PRKN: variants seen among roughly 807,000 people sequenced by gnomAD.
The protein encoded by PRKN is parkin RBR E3 ubiquitin protein ligase, also known as E3 ubiquitin-protein ligase parkin.
In PRKN, 56 loss-of-function variants were observed where a neutral mutation model predicts 59.5. That is an observed-to-expected ratio of 0.94 (90% CI 0.76 to 1.18). The LOEUF is 1.18. PRKN is among the 50% of genes most tolerant of loss of function. The pLI is 0.00. For missense variants in PRKN, 657 were observed against 596.4 expected, an observed-to-expected ratio of 1.10 and a Z score of -1.06; for synonymous variants, 250 against 222.1, an observed-to-expected ratio of 1.13 and a Z score of -1.12.
chr6:162,049,917 G>C (rs981223009), intron 5 of PRKN, among the ~76,000 whole-genome samples: 2 of 152,128 alleles, frequency 1.3e-5, no homozygotes, highest in African/African-American at 2.4e-5. Context: ...CAACTCCACA[G>C]AGAGCTGTGT....
Position 161,413,353 on chromosome 6 carries a change from TAGA to T in PRKN, c.1084-26479_1084-26477del, listed in dbSNP as rs978372191. Among the ~76,000 whole-genome samples, 16 of 152,292 alleles carry T rather than the reference TAGA, an allele frequency of 1.1e-4. No individual in the cohort carries two copies. Among genetic ancestry groups the T allele is most frequent in the East Asian group, 9.6e-4 (5 of 5,186 alleles). ...CTTCACTTCCTGAGTCTCTTTCCATTAGAAGAAGAATTCATATACACATACTGC... is the reference window on the plus strand; with the variant it reads ...CTTCACTTCCTGAGTCTCTTTCCATTAGAAGAATTCATATACACATACTGC... On this transcript the variant is annotated intron_variant, in intron 9 of 11. Coordinates refer to ENST00000366898, the MANE Select transcript of PRKN (RefSeq NM_004562.3). The surrounding 1 kb of genome is among the most constrained non-coding windows in gnomAD (Gnocchi z 4.4).
At chr6:162,237,313 A>G (rs891429262) in intron 3 of PRKN, among the ~76,000 whole-genome samples, 2 of 152,212 alleles carry the variant, frequency 1.3e-5, no homozygotes, top group African/African-American at 2.4e-5. Flanking sequence ...CCTAGTACAT[A>G]AAAAGAGTCA....
chr6:161,907,913 A>G (rs1583330248), intron 6 of PRKN, among the ~76,000 whole-genome samples: 1 of 152,100 alleles, frequency 6.6e-6, no homozygotes, highest in Non-Finnish European at 1.5e-5. Context: ...CCCTGTCTCT[A>G]CTAAATACAC....
intron 1 of PRKN, among the ~76,000 whole-genome samples, chr6:162,558,326 C>CTT: frequency 8.1e-6 from 1 of 123,312 alleles, no homozygotes. Flanking sequence ...TTTAATTTTC[C>CTT]CTTTTTTTTT....
At chr6:161,697,337 T>C (rs1786064122) in intron 7 of PRKN, among the ~76,000 whole-genome samples, 1 of 152,206 alleles carries the variant, frequency 6.6e-6, no homozygotes, top group African/African-American at 2.4e-5. Flanking sequence ...TAATATTTGC[T>C]GTGAATTACG....
At chr6:161,490,358 T>C (rs1269173404) in intron 9 of PRKN, among the ~76,000 whole-genome samples, 32 of 148,196 alleles carry the variant, frequency 2.2e-4, no homozygotes, top group African/African-American at 6.7e-4. Flanking sequence ...TCTCTCTCTC[T>C]CCCTCTCTCT....
intron 1 of PRKN, among the ~76,000 whole-genome samples, chr6:162,704,015 C>T (rs1038008757): frequency 2.0e-5 from 3 of 152,124 alleles, no homozygotes; most frequent in Admixed American, 6.6e-5. Context: ...TAATTAAGCG[C>T]CTTAGCTAAG....
chr6:162,465,122 A>G (rs1791355937), intron 1 of PRKN, among the ~76,000 whole-genome samples: 1 of 152,164 alleles, frequency 6.6e-6, no homozygotes, highest in Non-Finnish European at 1.5e-5. Context: ...GCTCGTTCCC[A>G]ATTAACCAGT....
chr6:162,463,061 T>A (rs1279327984), intron 1 of PRKN, among the ~76,000 whole-genome samples: 1 of 151,106 alleles, frequency 6.6e-6, no homozygotes, highest in Non-Finnish European at 1.5e-5. Context: ...GGAGTGAGAC[T>A]CCGTCTCAAA....
intron 1 of PRKN, among the ~76,000 whole-genome samples, chr6:162,586,634 G>A (rs564035216): frequency 2.0e-5 from 3 of 152,150 alleles, no homozygotes; most frequent in African/African-American, 4.8e-5. Flanking sequence ...GCTATAAGCC[G>A]GTTCGTAATT....
chr6:162,589,326 A>C (rs1583863247), intron 1 of PRKN, among the ~76,000 whole-genome samples: 2 of 151,990 alleles, frequency 1.3e-5, no homozygotes, highest in East Asian at 3.9e-4. Flanking sequence ...TCTCTCTCAA[A>C]AATACAAAAA....
At chr6:161,596,618 G>GCA (rs1319260331) in intron 7 of PRKN, among the ~76,000 whole-genome samples, 2 of 151,944 alleles carry the variant, frequency 1.3e-5, no homozygotes, top group African/African-American at 4.8e-5. Flanking sequence ...GGAACATTTA[G>GCA]CACACACAAA....
At chr6:161,984,198 A>T (rs1029676200) in intron 5 of PRKN, among the ~76,000 whole-genome samples, 3 of 152,166 alleles carry the variant, frequency 2.0e-5, no homozygotes, top group African/African-American at 7.2e-5. Flanking sequence ...TCCAAGAAAG[A>T]GATCACTTGT....
chr6:161,711,723 A>C (rs996313544), intron 7 of PRKN, among the ~76,000 whole-genome samples: 2 of 152,238 alleles, frequency 1.3e-5, no homozygotes, highest in African/African-American at 4.8e-5. Context: ...ATCAGCTGCC[A>C]GCACAGCTAG....
Position 161,876,964 on chromosome 6 carries a change from A to G in PRKN, c.735-91056T>C, listed in dbSNP as rs550140079. Among the ~76,000 whole-genome samples the G allele has an allele frequency of 1.6e-3, 242 of 152,264 alleles. 3 individuals carry two copies. Among genetic ancestry groups the G allele is most frequent in the African/African-American group, 5.5e-3 (230 of 41,568 alleles). ...ATTTGATTTGCCATTTTTCAGAAGT[A>G]TTCATACTTCTTGACTAGAACTGCT... On this transcript the variant is annotated intron_variant, in intron 6 of 11. Transcript: ENST00000366898.
At chr6:161,564,599 C>G (rs1156966256) in intron 8 of PRKN, among the ~76,000 whole-genome samples, 3 of 152,202 alleles carry the variant, frequency 2.0e-5, no homozygotes, top group Non-Finnish European at 4.4e-5. Context: ...TACCACAAAG[C>G]ATTGCTCTAC....
intron 2 of PRKN, among the ~76,000 whole-genome samples, chr6:162,315,642 C>T (rs1782724633): frequency 1.3e-5 from 2 of 152,146 alleles, no homozygotes; most frequent in African/African-American, 4.8e-5. Flanking sequence ...CATGGGCATT[C>T]ACTACCCACA....
At chr6:162,189,848 T>C (rs1180637944) in intron 4 of PRKN, among the ~76,000 whole-genome samples, 1 of 78,528 alleles carries the variant, frequency 1.3e-5, no homozygotes, top group Non-Finnish European at 3.8e-5. Context: ...TCTCATTTGT[T>C]TGTAGCACAT....
chr6:162,591,072 G>A (rs946836115), intron 1 of PRKN, among the ~76,000 whole-genome samples: 1 of 152,088 alleles, frequency 6.6e-6, no homozygotes, highest in African/African-American at 2.4e-5. Flanking sequence ...CTTCCCATCA[G>A]GCTGTGCTCA....
Sources: gnomAD v4.1 joint callset for allele counts (sites outside exome capture counted in the v4.1 genomes callset) on GRCh38, gnomAD v4.1.1 for gene constraint, Gnocchi (gnomAD v3.1) non-coding constraint, MANE v1.5 for transcripts, NCBI Gene and HGNC (gene_info 2026-07-23, HGNC 2026-07-21) for gene names.